ADGRB3: variants seen among roughly 807,000 people sequenced by gnomAD.
ADGRB3 encodes brain-specific angiogenesis inhibitor 3.
In ADGRB3, 37 loss-of-function variants were observed where a neutral mutation model predicts 193.4. The observed-to-expected ratio is 0.19, with a 90% CI of 0.15 to 0.25. ADGRB3 has a LOEUF of 0.25. Ranked by LOEUF, ADGRB3 falls within the 10% of genes least tolerant of loss-of-function variation. ADGRB3 has a pLI of 1.00. For missense variants in ADGRB3, 1,637 were observed against 1,852.9 expected, an observed-to-expected ratio of 0.88 and a Z score of 2.14; for synonymous variants, 690 against 644.2, an observed-to-expected ratio of 1.07 and a Z score of -1.08.
At chr6:68,823,035 A>G (rs923108658) in intron 3 of ADGRB3, among the ~76,000 whole-genome samples, 2 of 151,234 alleles carry the variant, frequency 1.3e-5, no homozygotes, top group African/African-American at 2.4e-5. Flanking sequence ...AATTCACAGC[A>G]GCAGAAGACA....
rs117737858 is a variant in ADGRB3 at position 69,294,298 on chromosome 6, T to G, written c.2815-30574T>G. ...AGATTCAGAGGTATAAAATGTTTTC[T>G]GACAATCTGAATCTTTTTCTAACAC... On this transcript the variant is annotated intron_variant, in intron 20 of 31. Transcript: ENST00000370598. 6.5e-3 allele frequency among the ~76,000 whole-genome samples: 986 copies of G among 152,266 alleles called. 7 individuals carry two copies. The highest frequency in any genetic ancestry group is 0.012 in the Non-Finnish European group (821 of 68,006).
chr6:69,177,368 A>T (rs78173747), intron 17 of ADGRB3, among the ~76,000 whole-genome samples: 21,685 of 147,976 alleles, frequency 0.15, 1,572 homozygotes, highest in Middle Eastern at 0.17. Flanking sequence ...TTTTATTTTT[A>T]TTTTTTTAGA....
At chr6:69,158,847 G>A (rs183494908) in intron 17 of ADGRB3, among the ~76,000 whole-genome samples, 3 of 152,050 alleles carry the variant, frequency 2.0e-5, no homozygotes, top group Admixed American at 2.0e-4. Flanking sequence ...ATACAGTAAT[G>A]CAGACTATAA....
intron 3 of ADGRB3, among the ~76,000 whole-genome samples, chr6:68,793,837 A>C (rs1767154994): frequency 6.6e-6 from 1 of 152,150 alleles, no homozygotes; most frequent in Admixed American, 6.6e-5. Context: ...CGTATATTTA[A>C]AATTTTTAAT....
chr6:68,677,387 A>C (rs1379621834), intron 3 of ADGRB3, among the ~76,000 whole-genome samples: 1 of 152,080 alleles, frequency 6.6e-6, no homozygotes, highest in Admixed American at 6.5e-5. Flanking sequence ...ACTAGCTTAG[A>C]ATCTGCTTCT....
intron 3 of ADGRB3, among the ~76,000 whole-genome samples, chr6:68,847,400 G>C (rs942718222): frequency 6.6e-6 from 1 of 152,126 alleles, no homozygotes; most frequent in African/African-American, 2.4e-5. Context: ...TTGTTTGGCT[G>C]TGTCCACATC....
At chr6:69,163,186 C>G (rs1007590109) in intron 17 of ADGRB3, among the ~76,000 whole-genome samples, 1 of 152,080 alleles carries the variant, frequency 6.6e-6, no homozygotes, top group African/African-American at 2.4e-5. Context: ...ACCACTACCT[C>G]TCACATCAGC....
intron 3 of ADGRB3, among the ~76,000 whole-genome samples, chr6:68,719,248 G>A (rs1765534858): frequency 6.6e-6 from 1 of 151,706 alleles, no homozygotes; most frequent in African/African-American, 2.4e-5. Context: ...GTGATGATCT[G>A]TATCTATACT....
chr6:69,085,779 A>T (rs1012595747), intron 17 of ADGRB3, among the ~76,000 whole-genome samples: 1 of 151,916 alleles, frequency 6.6e-6, no homozygotes, highest in Non-Finnish European at 1.5e-5. Flanking sequence ...GCAATCTATT[A>T]TGAATTTTCA....
intron 17 of ADGRB3, among the ~76,000 whole-genome samples, chr6:69,105,039 G>A (rs1041762604): frequency 6.6e-6 from 1 of 152,154 alleles, no homozygotes; most frequent in African/African-American, 2.4e-5. Context: ...TAAGTGAAGT[G>A]GAAGGTTACT....
chr6:69,124,570 A>G (rs1773805680), intron 17 of ADGRB3, among the ~76,000 whole-genome samples: 1 of 152,208 alleles, frequency 6.6e-6, no homozygotes, highest in Admixed American at 6.5e-5. Flanking sequence ...AGAGACTGAC[A>G]AATTAATGTA....
Position 69,175,673 on chromosome 6 carries a change from A to G in ADGRB3, c.2481-57617A>G, listed in dbSNP as rs1333328810. 2.0e-5 allele frequency among the ~76,000 whole-genome samples: 3 copies of G among 152,102 alleles called. No homozygotes were observed. In the East Asian group the frequency reaches 5.8e-4, roughly 29 times the overall value. On this transcript the variant is annotated intron_variant, in intron 17 of 31. Transcript: ENST00000370598. ...TTTGAATATTTTTTCTAGTTATTTG[A>G]AAAACTATTTGGTACCTTGATAGGA...
chr6:69,332,310 G>C, intron 23 of ADGRB3: 8 of 985,382 alleles, frequency 8.1e-6, no homozygotes, highest in South Asian at 4.7e-5. Context: ...CTGTACACTA[G>C]AGCATATTTT....
chr6:69,151,909 G>C (rs952887389), intron 17 of ADGRB3, among the ~76,000 whole-genome samples: 1 of 152,120 alleles, frequency 6.6e-6, no homozygotes, highest in Non-Finnish European at 1.5e-5. Flanking sequence ...CTGTTCTTGT[G>C]ATAGTGAGTT....
chr6:69,331,315 T>C (rs981013303), intron 23 of ADGRB3, among the ~76,000 whole-genome samples: 1 of 152,226 alleles, frequency 6.6e-6, no homozygotes, highest in East Asian at 1.9e-4. Flanking sequence ...CTCTTTCTCC[T>C]TTTGGATTTA....
intron 17 of ADGRB3, among the ~76,000 whole-genome samples, chr6:69,150,954 A>G (rs991428760): frequency 1.3e-5 from 2 of 152,206 alleles, no homozygotes; most frequent in Non-Finnish European, 2.9e-5. Context: ...GCCCAATCCT[A>G]TTGTGGCTGA....
At chr6:69,145,644 G>C (rs950162232) in intron 17 of ADGRB3, among the ~76,000 whole-genome samples, 1 of 152,112 alleles carries the variant, frequency 6.6e-6, no homozygotes, top group Non-Finnish European at 1.5e-5. Flanking sequence ...TGGAGGATAA[G>C]AAAGATGAAG....
At chr6:68,931,885 C>T (rs1767347467) in intron 4 of ADGRB3, among the ~76,000 whole-genome samples, 1 of 152,016 alleles carries the variant, frequency 6.6e-6, no homozygotes, top group Non-Finnish European at 1.5e-5. Context: ...ATATTGCAAC[C>T]AAATACAGAA....
chr6:69,245,714 T>C (rs1766485335), intron 20 of ADGRB3, among the ~76,000 whole-genome samples: 1 of 152,040 alleles, frequency 6.6e-6, no homozygotes, highest in African/African-American at 2.4e-5. Context: ...CTCTGATGAG[T>C]TTTCCCATTA....
Sources: gnomAD v4.1 joint callset for allele counts (sites outside exome capture counted in the v4.1 genomes callset) on GRCh38, gnomAD v4.1.1 for gene constraint, MANE v1.5 for transcripts, NCBI Gene and HGNC (gene_info 2026-07-23, HGNC 2026-07-21) for gene names.